NFYC: variants seen among roughly 807,000 people sequenced by gnomAD.
The protein encoded by NFYC is CAAT box DNA-binding protein subunit C.
A neutral mutation model predicts 53.1 loss-of-function variants in NFYC; 25 were observed. The ratio of observed to expected loss-of-function variants is 0.47; its 90% confidence interval spans 0.34 to 0.66. The LOEUF (loss-of-function observed/expected upper bound fraction) is 0.66. Ranked by LOEUF, NFYC falls within the 30% of genes least tolerant of loss-of-function variation. The pLI is 0.01. For missense variants in NFYC, 260 were observed against 422.7 expected (o/e 0.62, Z 3.38); for synonymous variants, 145 against 152.6 (o/e 0.95, Z 0.37).
Position 40,771,376 on chromosome 1 carries a change from A to C in NFYC, c.*548A>C. 2.1e-6 allele frequency: 1 copy of C among 467,814 alleles called. No homozygotes were observed. The highest frequency in any genetic ancestry group is 1.6e-5 in the South Asian group (1 of 63,962). 29.0% of individuals were successfully genotyped at this position (467,814 alleles called of 1,614,324 possible). On this transcript the variant is annotated 3_prime_UTR_variant, in exon 10 of 10. Transcript: ENST00000447388. The stretch of plus-strand genomic sequence containing the variant: ...TGACCCCAGAGCTCTGTGTATTTGC[A>C]TCCAGAGGCCATGGAAACATTCTTT...
intron 1 of NFYC, among the ~76,000 whole-genome samples, chr1:40,710,958 G>T (rs147868250): frequency 6.1e-4 from 93 of 152,294 alleles, no homozygotes; most frequent in African/African-American, 2.0e-3. Context: ...TATTCAAGTC[G>T]AGTGGTTAGT....
chr1:40,771,272 G>T lies in NFYC; in HGVS notation c.*444G>T, dbSNP rs546851249. ...AGCTGCTACCCCCAAGACTTGCCAC[G>T]TTGTTCTGCCCTCAGATGGAATTAG... On this transcript the variant is annotated 3_prime_UTR_variant, in exon 10 of 10. Coordinates refer to ENST00000447388, the MANE Select transcript of NFYC (RefSeq NM_014223.5). 1 of 323,458 alleles carries T rather than the reference G, an allele frequency of 3.1e-6. No individual in the cohort carries two copies. The highest frequency in any genetic ancestry group is 6.2e-6 in the Non-Finnish European group (1 of 160,394). The allele number at this position is 323,458 out of a possible 1,614,324, so 20.0% of individuals were successfully genotyped here. A position where few individuals can be genotyped will look rare whatever the true frequency, so the allele number is the denominator to read the frequency against.
At chr1:40,701,542 TCTC>T (rs1450942483) in intron 1 of NFYC, among the ~76,000 whole-genome samples, 1 of 152,186 alleles carries the variant, frequency 6.6e-6, no homozygotes, top group African/African-American at 2.4e-5. Context: ...GGATTTTAAT[TCTC>T]CTAAGAAGCT....
intron 1 of NFYC, among the ~76,000 whole-genome samples, chr1:40,711,505 A>G (rs1643926167): frequency 6.6e-6 from 1 of 152,164 alleles, no homozygotes; most frequent in South Asian, 2.1e-4. Flanking sequence ...AGTAAACTAT[A>G]AACTTGAGAA....
At chr1:40,768,758 C>T (rs543770777) in intron 8 of NFYC, 1 of 152,600 alleles carries the variant, frequency 6.6e-6, no homozygotes, top group Non-Finnish European at 1.5e-5. Flanking sequence ...CCGGTCCCTC[C>T]CCTTTTCTCC....
intron 2 of NFYC, among the ~76,000 whole-genome samples, chr1:40,740,373 A>G (rs1300730670): frequency 6.6e-6 from 1 of 151,502 alleles, no homozygotes; most frequent in African/African-American, 2.4e-5. Context: ...CTCATGGAAC[A>G]TATATTCTGA....
At chr1:40,729,037 A>G (rs1032499260) in intron 1 of NFYC, among the ~76,000 whole-genome samples, 4 of 152,250 alleles carry the variant, frequency 2.6e-5, no homozygotes, top group Non-Finnish European at 5.9e-5. Flanking sequence ...GTGAGCTTAA[A>G]TAGTCAACCA....
intron 7 of NFYC, 194 bp downstream of exon 7, chr1:40,763,240 C>A: frequency 2.1e-6 from 1 of 474,926 alleles, no homozygotes; most frequent in South Asian, 2.3e-5. Flanking sequence ...CTATATATAC[C>A]TTGATATGTA....
intron 1 of NFYC, among the ~76,000 whole-genome samples, chr1:40,700,468 A>T (rs767362916): frequency 2.6e-5 from 4 of 152,216 alleles, no homozygotes; most frequent in Non-Finnish European, 5.9e-5. Context: ...CAGCTTCCTG[A>T]GTAGCTGGGA....
At chr1:40,755,226 C>A (rs909113043) in intron 5 of NFYC, among the ~76,000 whole-genome samples, 1 of 152,198 alleles carries the variant, frequency 6.6e-6, no homozygotes, top group Admixed American at 6.5e-5. Context: ...GGATGTGATG[C>A]TGCTCTTCTC....
At chr1:40,756,781 T>A (rs139261985) in intron 5 of NFYC, among the ~76,000 whole-genome samples, 1 of 152,240 alleles carries the variant, frequency 6.6e-6, no homozygotes, top group Non-Finnish European at 1.5e-5. Context: ...CCTGTCTAAA[T>A]CCATTCATCA....
At chr1:40,750,601 CAAAAA>C (rs1645860636) in intron 4 of NFYC, among the ~76,000 whole-genome samples, 1 of 151,712 alleles carries the variant, frequency 6.6e-6, no homozygotes, top group Non-Finnish European at 1.5e-5. Flanking sequence ...GCAAAAAAAG[CAAAAA>C]ATACTGAGCT....
At chr1:40,723,967 A>G (rs971696846) in intron 1 of NFYC, among the ~76,000 whole-genome samples, 36 of 152,248 alleles carry the variant, frequency 2.4e-4, no homozygotes, top group African/African-American at 7.5e-4. Flanking sequence ...ATGAGCTACC[A>G]TGCCTGGCTG....
chr1:40,766,540 C>A, intron 7 of NFYC, 56 bp from the exon 8 acceptor site: 1 of 1,329,918 alleles, frequency 7.5e-7, no homozygotes, highest in South Asian at 1.3e-5. Flanking sequence ...GAAAGTTTGC[C>A]TGTTTGAGAT....
chr1:40,730,206 T>C (rs1644705530), intron 1 of NFYC, among the ~76,000 whole-genome samples: 1 of 146,718 alleles, frequency 6.8e-6, no homozygotes, highest in African/African-American at 2.5e-5. Context: ...TTTTTTTTTT[T>C]TTTTTTTTTT....
chr1:40,718,626 G>A (rs957216431), intron 1 of NFYC, among the ~76,000 whole-genome samples: 2 of 152,214 alleles, frequency 1.3e-5, no homozygotes, highest in African/African-American at 4.8e-5. Context: ...TAACAATTGA[G>A]CACTACCAGT....
At chr1:40,708,302 A>G (rs545562330) in intron 1 of NFYC, among the ~76,000 whole-genome samples, 31 of 152,318 alleles carry the variant, frequency 2.0e-4, no homozygotes, top group African/African-American at 5.3e-4. Flanking sequence ...GCCTAGCAAC[A>G]TAGTGAGACA....
chr1:40,693,285 G>C (rs918307187), intron 1 of NFYC, among the ~76,000 whole-genome samples: 1 of 152,158 alleles, frequency 6.6e-6, no homozygotes, highest in African/African-American at 2.4e-5. Flanking sequence ...AACTTGTTGG[G>C]AATATGTTCT....
At chr1:40,714,997 A>T (rs1358100388) in intron 1 of NFYC, among the ~76,000 whole-genome samples, 2 of 151,988 alleles carry the variant, frequency 1.3e-5, no homozygotes, top group Non-Finnish European at 2.9e-5. Flanking sequence ...GGAGAATGGC[A>T]TGAATCCGGG....
Sources: allele counts gnomAD v4.1 joint callset (sites outside exome capture counted in the v4.1 genomes callset), GRCh38; gene constraint gnomAD v4.1.1; transcripts MANE v1.5; gene names NCBI Gene and HGNC (gene_info 2026-07-23, HGNC 2026-07-21).